The following TLN2 variants were observed in gnomAD, a reference collection of about 807,000 sequenced individuals.
TLN2 encodes the protein talin 2, also known as talin-2.
TLN2 carries 118 observed loss-of-function variants against 294.7 expected under a neutral mutation model. The observed-to-expected ratio is 0.40, with a 90% CI of 0.34 to 0.47. The LOEUF (loss-of-function observed/expected upper bound fraction) is 0.47. Ranked by LOEUF, TLN2 falls within the 20% of genes least tolerant of loss-of-function variation. The probability of loss-of-function intolerance (pLI) is 0.84; values close to 1 mark genes in which losing one functional copy is unlikely to be tolerated. For missense variants in TLN2, 3,083 were observed against 3,282.2 expected, an observed-to-expected ratio of 0.94 and a Z score of 1.48; for synonymous variants, 1,431 against 1,304.5, an observed-to-expected ratio of 1.10 and a Z score of -2.09.
In TLN2 at chr15:62,717,741, C is replaced by A. The variant is rs183568925; in HGVS notation, c.2877+52C>A. 1,088 of 1,296,522 alleles carry A rather than the reference C, an allele frequency of 8.4e-4. 7 individuals are homozygous for A. The African/African-American group carries it at 0.013, about 16-fold the overall frequency. 80.3% of individuals were successfully genotyped at this position (1,296,522 alleles called of 1,614,324 possible). ...GGTCAGCTGCAGATGACCCTGATAA[C>A]ATTAGAACACCAAGTCCCCTGGTAG... On this transcript the variant is annotated intron_variant, in intron 24 of 58. Coordinates refer to ENST00000636159, the MANE Select transcript of TLN2 (RefSeq NM_015059.3).
At chr15:62,520,582 G>A (rs2040407018) in intron 1 of TLN2, among the ~76,000 whole-genome samples, 1 of 152,140 alleles carries the variant, frequency 6.6e-6, no homozygotes, top group Non-Finnish European at 1.5e-5. Flanking sequence ...TGTTGGCAAC[G>A]GGACACTAAG....
At chr15:62,711,635 T>C (rs753628483) in intron 21 of TLN2, among the ~76,000 whole-genome samples, 1 of 152,252 alleles carries the variant, frequency 6.6e-6, no homozygotes, top group Non-Finnish European at 1.5e-5. Context: ...CTGCCCTCTC[T>C]TTATAGTGTT....
At position 62,698,756 on chromosome 15, in the gene TLN2, C is replaced by T. The variant is rs1242743838; in HGVS notation, c.1476C>T (p.Thr492=). Residue 492 remains threonine (T), a splice_region_variant and synonymous_variant, in exon 16 of 59, where the codon ACC becomes ACT. Coordinates refer to ENST00000636159, the MANE Select transcript of TLN2 (RefSeq NM_015059.3). ...CTTTGTTTCATTTGCCTTTGCAGAC[C>T]TCAGCCCAGCAGGCCCTGATGGGGA... ...QMHRGHMPPL[T]SAQQALMGTI... is the part of the protein sequence containing the mutation. 10 of 1,609,518 alleles carry T rather than the reference C, an allele frequency of 6.2e-6. No individual in the cohort carries two copies. Among genetic ancestry groups the T allele is most frequent in the Non-Finnish European group, 7.6e-6 (9 of 1,179,894 alleles).
rs78166376 is a variant in TLN2, at chr15:62,564,433, A to G, written c.-237-25254A>G. On this transcript the variant is annotated intron_variant, in intron 1 of 58. Coordinates refer to ENST00000636159, the MANE Select transcript of TLN2 (RefSeq NM_015059.3). ...CACATTGGTGGCAAGACTCATTTCAATCTGCAAAGTGGGAAGATTTCAGAG... is the reference window on the plus strand; with the variant it reads ...CACATTGGTGGCAAGACTCATTTCAGTCTGCAAAGTGGGAAGATTTCAGAG... 9.7e-3 allele frequency among the ~76,000 whole-genome samples: 1,472 copies of G among 152,324 alleles called. 26 individuals are homozygous for G. The highest frequency in any genetic ancestry group is 0.034 in the African/African-American group (1,397 of 41,574).
At chr15:62,789,834 T>A (rs1373365138) in intron 45 of TLN2, among the ~76,000 whole-genome samples, 1 of 152,230 alleles carries the variant, frequency 6.6e-6, no homozygotes, top group Non-Finnish European at 1.5e-5. Flanking sequence ...TGTTTGCCCC[T>A]AGTGTCACTT....
At position 62,740,649 on chromosome 15, in the gene TLN2, A is replaced by G. The variant is rs757817955; in HGVS notation, c.3905A>G (p.Gln1302Arg). The G allele has an allele frequency of 1.2e-6, 2 of 1,614,206 alleles. No homozygotes were observed. The highest frequency in any genetic ancestry group is 8.5e-7 in the Non-Finnish European group (1 of 1,180,042). The part of the protein sequence containing the change: ...GQAQTKEDQI[Q>R]VIGNLKNISM... ...TTCCAGACAAAAGAAGACCAGATCC[A>G]AGTGATAGGGAACCTCAAGAATATC... Residue 1302 changes from glutamine (Q) to arginine (R), a missense_variant, in exon 32 of 59, where the codon CAA becomes CGA. By Grantham distance (43) the Gln-to-Arg change is conservative. Transcript: ENST00000636159.
chr15:62,776,724 C>G lies in TLN2; in HGVS notation c.5368-40C>G, dbSNP rs186239882. Reference sequence around the variant, plus strand: ...TATTCTTAGAAGACTGAGCACCGCTCTCTTCTGCTTAAGGAAATGTTTCAC... The same window carrying G: ...TATTCTTAGAAGACTGAGCACCGCTGTCTTCTGCTTAAGGAAATGTTTCAC... On this transcript the variant is annotated intron_variant, in intron 42 of 58. Coordinates refer to ENST00000636159, the MANE Select transcript of TLN2 (RefSeq NM_015059.3). 9 of 1,428,420 alleles carry G rather than the reference C, an allele frequency of 6.3e-6. No homozygotes were observed. In the East Asian group the frequency reaches 1.6e-4, roughly 25 times the overall value. The allele number at this position is 1,428,420 out of a possible 1,614,324, so 88.5% of individuals were successfully genotyped here. A position where few individuals can be genotyped will look rare whatever the true frequency, so the allele number is the denominator to read the frequency against.
chr15:62,761,848 A>G (rs1355776967), intron 38 of TLN2, 27 bp downstream of exon 38: 2 of 1,612,016 alleles, frequency 1.2e-6, no homozygotes, highest in Non-Finnish European at 1.7e-6. Context: ...GGAACATCAT[A>G]CTAAGGTCTT....
chr15:62,761,743 G>A lies in TLN2; in HGVS notation c.4701G>A (p.Leu1567=). The change falls in exon 38 of 59, where the codon TTG becomes TTA. Residue 1567 remains leucine, a synonymous_variant. Coordinates refer to ENST00000636159, the MANE Select transcript of TLN2 (RefSeq NM_015059.3). ...RNKCRIATAP[L]IEAVENLTAF... ...AGTGTCGCATCGCCACCGCACCCTT[G>A]ATTGAAGCTGTGGAGAACCTGACAG... The A allele has an allele frequency of 1.2e-6, 2 of 1,614,144 alleles. No individual in the cohort carries two copies. The highest frequency in any genetic ancestry group is 1.7e-6 in the Non-Finnish European group (2 of 1,180,032).
At chr15:62,707,997 G>T (rs1277510280) in intron 20 of TLN2, among the ~76,000 whole-genome samples, 2 of 152,032 alleles carry the variant, frequency 1.3e-5, no homozygotes, top group African/African-American at 4.8e-5. Context: ...AAGATTTGCA[G>T]CATCGTCTCC....
chr15:62,761,913 C>T (rs931529138), intron 38 of TLN2, 92 bp downstream of exon 38: 1 of 1,534,532 alleles, frequency 6.5e-7, no homozygotes, highest in Non-Finnish European at 9.0e-7. Flanking sequence ...CAACAGCTCT[C>T]TCTGTCAACA....
chr15:62,641,199 T>G (rs1341977031), intron 3 of TLN2, among the ~76,000 whole-genome samples: 1 of 152,158 alleles, frequency 6.6e-6, no homozygotes, highest in Non-Finnish European at 1.5e-5. Flanking sequence ...GCCTGTTAGG[T>G]TATCTAGTAC....
chr15:62,713,781 C>A (rs1053163849), intron 22 of TLN2, among the ~76,000 whole-genome samples: 6 of 151,946 alleles, frequency 3.9e-5, no homozygotes, highest in African/African-American at 1.5e-4. Context: ...TTAGAGACAC[C>A]TCGTGGGTAG....
intron 1 of TLN2, among the ~76,000 whole-genome samples, chr15:62,443,805 C>G (rs2035675364): frequency 6.6e-6 from 1 of 152,078 alleles, no homozygotes; most frequent in South Asian, 2.1e-4. Context: ...AATTTGAGAT[C>G]AACCTTGGTA....
chr15:62,482,341 G>T (rs537822230), intron 1 of TLN2, among the ~76,000 whole-genome samples: 1 of 152,192 alleles, frequency 6.6e-6, no homozygotes, highest in South Asian at 2.1e-4. Context: ...GGTGGCTCAT[G>T]CCTGTAATCC....
intron 1 of TLN2, among the ~76,000 whole-genome samples, chr15:62,528,342 T>C (rs890757505): frequency 2.6e-5 from 4 of 152,182 alleles, no homozygotes; most frequent in Admixed American, 6.5e-5. Context: ...ATTAAGGTGA[T>C]TGAGTCATTC....
At chr15:62,452,207 G>A (rs1443251094) in intron 1 of TLN2, among the ~76,000 whole-genome samples, 3 of 152,186 alleles carry the variant, frequency 2.0e-5, no homozygotes, top group Admixed American at 6.5e-5. Flanking sequence ...GGCCTAGACA[G>A]ACAGGAGCCA....
chr15:62,732,192 A>G lies in TLN2; in HGVS notation c.3359-4686A>G, dbSNP rs186248801. Among the ~76,000 whole-genome samples the G allele has an allele frequency of 1.5e-3, 225 of 152,358 alleles. 2 individuals are homozygous for G. Among genetic ancestry groups the G allele is most frequent in the African/African-American group, 5.4e-3 (223 of 41,590 alleles). On this transcript the variant is annotated intron_variant, in intron 28 of 58. Coordinates refer to ENST00000636159, the MANE Select transcript of TLN2 (RefSeq NM_015059.3). ...GTCTACACTTTCCCGAAATCTTGCC[A>G]GCTGTTGTGTAGATGATGAAATGCA...
At chr15:62,719,660 C>T (rs747433510) in intron 24 of TLN2, 107 bp from the exon 25 acceptor site, 4 of 846,520 alleles carry the variant, frequency 4.7e-6, no homozygotes, top group Non-Finnish European at 7.0e-6. Flanking sequence ...CTGGCGTCCC[C>T]TGGGAGTAGA....
Sources: allele counts gnomAD v4.1 joint callset (sites outside exome capture counted in the v4.1 genomes callset), GRCh38; gene constraint gnomAD v4.1.1; transcripts MANE v1.5; gene names NCBI Gene and HGNC (gene_info 2026-07-23, HGNC 2026-07-21).